LIFR: variants seen among roughly 807,000 people sequenced by gnomAD.
LIFR encodes LIF receptor subunit alpha.
A neutral mutation model predicts 122.2 loss-of-function variants in LIFR; 84 were observed. The ratio of observed to expected loss-of-function variants is 0.69; its 90% CI spans 0.58 to 0.82. LIFR has a LOEUF of 0.82. Ranked by LOEUF, LIFR falls within the 40% of genes least tolerant of loss-of-function variation. The pLI, the probability that LIFR is intolerant of heterozygous loss-of-function variation, is 0.00. For synonymous variants in LIFR, 422 were observed against 434.7 expected (o/e 0.97, Z 0.36); for missense variants, 1,294 against 1,311.6 (o/e 0.99, Z 0.21).
chr5:38,557,964 T>A (rs1415393675), upstream of LIFR: 2 of 152,150 alleles, frequency 1.3e-5, no homozygotes, highest in Non-Finnish European at 2.9e-5. Context: ...TATTCTTGAG[T>A]CCTTGATGGT....
Position 38,592,943 on chromosome 5 carries a change from G to A in LIFR, c.-20+2318C>T, listed in dbSNP as rs550445099. On this transcript the variant is annotated intron_variant, in intron 1 of 19. Coordinates refer to the LIFR transcript ENST00000263409. ...GGAGCAGCTGGGCGTGGTGGCTCAC[G>A]CCTGTAATCCCAGCACTTTGGGAGA... is the stretch of plus-strand genomic sequence containing the variant. 7.9e-5 allele frequency among the ~76,000 whole-genome samples: 12 copies of A among 152,168 alleles called. No individual in the cohort carries two copies. In the East Asian group the frequency reaches 1.6e-3, roughly 20 times the overall value.
In LIFR at chr5:38,475,613, T is replaced by TA. The variant is rs1468799134; in HGVS notation, c.*5981dup. On this transcript the variant is annotated 3_prime_UTR_variant, in exon 20 of 20. Coordinates refer to ENST00000453190, the MANE Select transcript of LIFR (RefSeq NM_001127671.2). ...AATATTTAACATATAATACTCACTT[T>TA]AAAAAAACATTCATTCTACAAACCT... 7.5e-5 allele frequency: 14 copies of TA among 186,172 alleles called. No homozygotes were observed. Among genetic ancestry groups the TA allele is most frequent in the Admixed American group, 1.9e-4 (3 of 16,124 alleles). 11.5% of individuals were successfully genotyped at this position (186,172 alleles called of 1,614,324 possible). A position where few individuals can be genotyped will look rare whatever the true frequency, so the allele number is the denominator to read the frequency against.
intron 12 of LIFR, among the ~76,000 whole-genome samples, chr5:38,497,853 T>C (rs1460050902): frequency 6.6e-6 from 1 of 152,238 alleles, no homozygotes; most frequent in African/African-American, 2.4e-5. Flanking sequence ...ACCAGTGTAC[T>C]TGAATATCCC....
At chr5:38,488,353 C>G (rs1407712046) in intron 16 of LIFR, among the ~76,000 whole-genome samples, 1 of 152,182 alleles carries the variant, frequency 6.6e-6, no homozygotes, top group Admixed American at 6.5e-5. Flanking sequence ...CTCAGACAGG[C>G]ATTAAATAAT....
intron 1 of LIFR, among the ~76,000 whole-genome samples, chr5:38,592,550 A>G (rs1749955335): frequency 6.6e-6 from 1 of 151,840 alleles, no homozygotes. Context: ...TCAGCTACTC[A>G]GGAGGCTGAG....
intron 2 of LIFR, among the ~76,000 whole-genome samples, chr5:38,602,625 G>C (rs1166573241): frequency 6.6e-6 from 1 of 151,994 alleles, no homozygotes; most frequent in Non-Finnish European, 1.5e-5. Context: ...AGTTCTTCAA[G>C]GACAGGGGCC....
Position 38,506,010 on chromosome 5 carries a change from A to G in LIFR, c.1186T>C (p.Leu396=), listed in dbSNP as rs375133322. Residue 396 remains leucine (L), a synonymous_variant, in exon 9 of 20, where the codon TTA becomes CTA. Transcript: ENST00000453190. The stretch of plus-strand genomic sequence containing the variant: ...TCTTGATTTGGAAGCATTTGAAATA[A>G]TAATTGATAGCTTTCGTTTGTAGGT... ...EAPTNESYQL[L]FQMLPNQEIY... 23 of 1,608,416 alleles carry G rather than the reference A, an allele frequency of 1.4e-5. No homozygotes were observed. The highest frequency in any genetic ancestry group is 1.9e-5 in the Non-Finnish European group (22 of 1,175,980).
At chr5:38,569,201 T>G (rs768784121) in intron 1 of LIFR, among the ~76,000 whole-genome samples, 7 of 152,236 alleles carry the variant, frequency 4.6e-5, no homozygotes, top group Non-Finnish European at 8.8e-5. Flanking sequence ...CTTGCTCAGA[T>G]TATAGCCCAC....
intron 1 of LIFR, among the ~76,000 whole-genome samples, chr5:38,535,348 T>G (rs947797407): frequency 1.6e-4 from 24 of 152,220 alleles, no homozygotes; most frequent in African/African-American, 4.3e-4. Flanking sequence ...ACAGGTTAGA[T>G]GCCATCTGCT....
intron 5 of LIFR, among the ~76,000 whole-genome samples, chr5:38,513,136 A>C (rs1179383695): frequency 2.6e-5 from 4 of 152,218 alleles, no homozygotes; most frequent in Admixed American, 6.5e-5. Flanking sequence ...CCAAAGAGTA[A>C]ACAGATTTTT....
At position 38,530,675 on chromosome 5, in the gene LIFR, G is replaced by A. The variant is rs374399925; in HGVS notation, c.-19-9C>T. Reference sequence around the variant, plus strand: ...GTGCAATGCAGTCAGTCCTAGGTTAGGAGAGGAATTCCAGATGGTGTTCAG... The same window carrying A: ...GTGCAATGCAGTCAGTCCTAGGTTAAGAGAGGAATTCCAGATGGTGTTCAG... On this transcript the variant is annotated splice_polypyrimidine_tract_variant and intron_variant, in intron 1 of 19. Coordinates refer to ENST00000453190, the MANE Select transcript of LIFR (RefSeq NM_001127671.2). The A allele has an allele frequency of 1.9e-5, 30 of 1,612,398 alleles. No individual in the cohort carries two copies. The highest frequency in any genetic ancestry group is 2.5e-5 in the Non-Finnish European group (29 of 1,178,458).
intron 1 of LIFR, among the ~76,000 whole-genome samples, chr5:38,537,180 T>A (rs1194119487): frequency 6.6e-6 from 1 of 152,178 alleles, no homozygotes; most frequent in Non-Finnish European, 1.5e-5. Context: ...GGCTCTCCAC[T>A]GTTTCAACAC....
At chr5:38,578,212 T>TTC (rs1749455450) in intron 1 of LIFR, among the ~76,000 whole-genome samples, 2 of 144,902 alleles carry the variant, frequency 1.4e-5, no homozygotes, top group Non-Finnish European at 3.0e-5. Flanking sequence ...TTTTTCTTTT[T>TTC]TTTTTTTTTT....
intron 16 of LIFR, among the ~76,000 whole-genome samples, chr5:38,487,459 G>C (rs919140240): frequency 6.6e-6 from 1 of 152,106 alleles, no homozygotes; most frequent in Non-Finnish European, 1.5e-5. Flanking sequence ...GCTTGTCTCT[G>C]ATCATTTCTT....
intron 1 of LIFR, among the ~76,000 whole-genome samples, chr5:38,554,828 A>C (rs938175137): frequency 6.6e-6 from 1 of 152,168 alleles, no homozygotes; most frequent in Admixed American, 6.5e-5. Context: ...CTGCACAATT[A>C]ATGTAAGAAA....
At chr5:38,594,050 C>T (rs1025564116) in intron 1 of LIFR, among the ~76,000 whole-genome samples, 5 of 152,262 alleles carry the variant, frequency 3.3e-5, no homozygotes, top group Admixed American at 1.3e-4. Flanking sequence ...ACAGGACACA[C>T]GGACGTGATC....
chr5:38,607,416 T>C (rs1750349756), intron 1 of LIFR, among the ~76,000 whole-genome samples: 1 of 152,176 alleles, frequency 6.6e-6, no homozygotes, highest in Non-Finnish European at 1.5e-5. Flanking sequence ...TCTGGGCTTT[T>C]TCAAAACAAA....
At position 38,528,561 on chromosome 5, in the gene LIFR, GGT is replaced by G. The variant is rs527364462; in HGVS notation, c.257+163_257+164del. 6.8e-4 allele frequency: 447 copies of G among 659,016 alleles called. 1 individual carries two copies. The African/African-American group carries it at 7.2e-3, about 11-fold the overall frequency. 40.8% of individuals were successfully genotyped at this position (659,016 alleles called of 1,614,324 possible). A position where few individuals can be genotyped will look rare whatever the true frequency, so the allele number is the denominator to read the frequency against. The stretch of plus-strand genomic sequence containing the variant: ...CTTGCCATCACACCTCATAATGCTT[GGT>G]GCCCTACAGGAGAAAAATGAGGCAG... On this transcript the variant is annotated intron_variant, in intron 3 of 19. Transcript: ENST00000453190.
intron 4 of LIFR, among the ~76,000 whole-genome samples, chr5:38,524,519 A>G (rs1203871994): frequency 1.3e-5 from 2 of 152,214 alleles, no homozygotes; most frequent in Admixed American, 1.3e-4. Context: ...AGAAATGACT[A>G]CATCAAAGAA....
Sources: allele counts gnomAD v4.1 joint callset (sites outside exome capture counted in the v4.1 genomes callset), GRCh38; gene constraint gnomAD v4.1.1; transcripts MANE v1.5; gene names NCBI Gene and HGNC (gene_info 2026-07-23, HGNC 2026-07-21).